The following TOR1AIP2 variants were observed in gnomAD, a reference collection of about 807,000 sequenced individuals.
TOR1AIP2 encodes torsin-1A-interacting protein 2.
Under a neutral mutation model 32.6 loss-of-function variants are expected in TOR1AIP2, and 20 were observed. The ratio of observed to expected loss-of-function variants is 0.61; its 90% CI spans 0.43 to 0.89. TOR1AIP2 has a LOEUF of 0.89. TOR1AIP2 is among the 40% of genes least tolerant of loss of function. The pLI, the probability that TOR1AIP2 is intolerant of heterozygous loss-of-function variation, is 0.00. For synonymous variants in TOR1AIP2, 214 were observed against 210.8 expected, an observed-to-expected ratio of 1.02 and a Z score of -0.13; for missense variants, 456 against 553.8, an observed-to-expected ratio of 0.82 and a Z score of 1.77.
At position 179,847,705 on chromosome 1, in the gene TOR1AIP2, T is replaced by G. The variant is rs531836572; in HGVS notation, c.554-69A>C. The G allele has an allele frequency of 2.6e-5, 27 of 1,048,318 alleles. No homozygotes were observed. In the African/African-American group the frequency reaches 4.1e-4, roughly 16 times the overall value. The allele number at this position is 1,048,318 out of a possible 1,614,324, so 64.9% of individuals were successfully genotyped here. Reference sequence around the variant, plus strand: ...ATGACAGTATGTATACCTTTATATCTCTCACCAAACCAAAGAATGATTTGA... The same window carrying G: ...ATGACAGTATGTATACCTTTATATCGCTCACCAAACCAAAGAATGATTTGA... On this transcript the variant is annotated intron_variant, in intron 5 of 6. Transcript: ENST00000609928.
At chr1:179,872,334 T>A (rs780552628) in intron 2 of TOR1AIP2, among the ~76,000 whole-genome samples, 1 of 152,238 alleles carries the variant, frequency 6.6e-6, no homozygotes, top group Non-Finnish European at 1.5e-5. Context: ...TTAAGGCTAA[T>A]ACACAACTTT....
intron 3 of TOR1AIP2, chr1:179,862,397 T>G (rs945748081): frequency 4.8e-5 from 47 of 984,438 alleles, no homozygotes; most frequent in Admixed American, 1.2e-4. Context: ...ATAGTGAAAT[T>G]CTTCATTAAA....
intron 4 of TOR1AIP2, 147 bp from the exon 5 acceptor site, chr1:179,851,510 T>C (rs1050604128): frequency 5.7e-5 from 32 of 561,502 alleles, no homozygotes; most frequent in South Asian, 4.9e-5. Flanking sequence ...TGGCTCCCAC[T>C]AAAGGCAATT....
chr1:179,869,212 G>A (rs2148454933), intron 2 of TOR1AIP2: 1 of 152,276 alleles, frequency 6.6e-6, no homozygotes, highest in East Asian at 1.9e-4. Context: ...CGAACCTCAG[G>A]TGATCCGCCC....
intron 5 of TOR1AIP2, 80 bp from the exon 6 acceptor site, chr1:179,847,716 C>G (rs1290711390): frequency 1.0e-6 from 1 of 979,574 alleles, no homozygotes; most frequent in Non-Finnish European, 1.6e-6. Flanking sequence ...CTCACCAAAC[C>G]AAAGAATGAT....
At chr1:179,859,230 G>C (rs953721248) in intron 3 of TOR1AIP2, 40 of 937,958 alleles carry the variant, frequency 4.3e-5, no homozygotes, top group Admixed American at 6.2e-5. Context: ...TTTGTGCCAG[G>C]CATCATTCAC....
intron 2 of TOR1AIP2, among the ~76,000 whole-genome samples, chr1:179,870,187 G>C (rs1488284914): frequency 6.6e-6 from 1 of 152,150 alleles, no homozygotes; most frequent in African/African-American, 2.4e-5. Context: ...ACGAGGTCAG[G>C]AGATGGAGAC....
rs147669918 is a variant in TOR1AIP2 at position 179,854,348 on chromosome 1, T to C, written c.-146-1537A>G. On this transcript the variant is annotated intron_variant, in intron 3 of 6. Transcript: ENST00000609928. Reference sequence around the variant, plus strand: ...AGATAAGTAAACAGAAAAAAAAATATCATGCATAGACAAATAAGACTCAAA... The same window carrying C: ...AGATAAGTAAACAGAAAAAAAAATACCATGCATAGACAAATAAGACTCAAA... 2.9e-3 allele frequency among the ~76,000 whole-genome samples: 439 copies of C among 152,142 alleles called. 2 individuals carry two copies. The highest frequency in any genetic ancestry group is 0.01 in the African/African-American group (428 of 41,514).
At chr1:179,852,513 C>T (rs1316365038) in intron 4 of TOR1AIP2, 119 bp downstream of exon 4, 1 of 959,288 alleles carries the variant, frequency 1.0e-6, no homozygotes, top group Admixed American at 1.9e-5. Context: ...AACAAATGAA[C>T]CCACTGAATT....
intron 2 of TOR1AIP2, chr1:179,875,701 G>C (rs969660284): frequency 6.7e-6 from 1 of 150,208 alleles, no homozygotes; most frequent in African/African-American, 2.5e-5. Context: ...GTTCATACCA[G>C]AGCCATGGCA....
intron 3 of TOR1AIP2, chr1:179,861,920 G>T (rs1477267543): frequency 2.1e-6 from 2 of 957,686 alleles, no homozygotes; most frequent in Non-Finnish European, 2.5e-6. Context: ...GGCTGGTCTT[G>T]AACTCCTGGG....
intron 6 of TOR1AIP2, 112 bp downstream of exon 6, chr1:179,847,423 G>A: frequency 1.3e-6 from 1 of 758,698 alleles, no homozygotes; most frequent in East Asian, 2.6e-5. Context: ...CATTAAATAA[G>A]TATATATAAA....
intron 4 of TOR1AIP2, among the ~76,000 whole-genome samples, chr1:179,851,637 G>GA (rs1696119867): frequency 6.6e-6 from 1 of 152,072 alleles, no homozygotes; most frequent in Admixed American, 6.6e-5. Context: ...CTTCCCTAAT[G>GA]AAAGGCAATG....
chr1:179,854,635 T>C (rs1372252055), intron 3 of TOR1AIP2, among the ~76,000 whole-genome samples: 6 of 152,150 alleles, frequency 3.9e-5, no homozygotes, highest in African/African-American at 7.2e-5. Flanking sequence ...TTTGGGAGGC[T>C]GAGGCGGGCA....
rs1477814442 is a variant in TOR1AIP2 at position 179,867,594 on chromosome 1, ACAAGATACTATTGTAGTGTCAG to A, written c.-565-1762_-565-1741del. The A allele has an allele frequency of 2.0e-5, 3 of 152,254 alleles. No individual in the cohort carries two copies. The East Asian group carries it at 5.8e-4, about 29-fold the overall frequency. The allele number at this position is 152,254 out of a possible 1,614,324, so 9.4% of individuals were successfully genotyped here. A position where few individuals can be genotyped will look rare whatever the true frequency, so the allele number is the denominator to read the frequency against. ...TTTAGAGTGAAATCAAGTAAATGCA[ACAAGATACTATTGTAGTGTCAG>A]CAAGATACTATTTCACATCTACCAC... On this transcript the variant is annotated intron_variant, in intron 2 of 6. Transcript: ENST00000609928.
At chr1:179,850,217 G>A (rs865950005) in intron 5 of TOR1AIP2, among the ~76,000 whole-genome samples, 4 of 151,986 alleles carry the variant, frequency 2.6e-5, no homozygotes, top group African/African-American at 9.7e-5. Flanking sequence ...TCCCAAGTCA[G>A]CAAGTGGTAG....
chr1:179,863,712 G>T, intron 3 of TOR1AIP2: 1 of 984,704 alleles, frequency 1.0e-6, no homozygotes, highest in Non-Finnish European at 1.2e-6. Context: ...GATCGCAAGG[G>T]GGAAGGACAC....
intron 2 of TOR1AIP2, among the ~76,000 whole-genome samples, chr1:179,876,931 G>A (rs1299168911): frequency 6.6e-6 from 1 of 151,584 alleles, no homozygotes; most frequent in East Asian, 1.9e-4. Context: ...TATATAATAT[G>A]TAAGCAAAAT....
intron 3 of TOR1AIP2, among the ~76,000 whole-genome samples, chr1:179,855,620 C>A (rs1696268603): frequency 6.6e-6 from 1 of 152,102 alleles, no homozygotes; most frequent in South Asian, 2.1e-4. Context: ...GTTACTACAA[C>A]TTTAGAGAGA....
Sources: allele counts gnomAD v4.1 joint callset (sites outside exome capture counted in the v4.1 genomes callset), GRCh38; gene constraint gnomAD v4.1.1; transcripts MANE v1.5; gene names NCBI Gene and HGNC (gene_info 2026-07-23, HGNC 2026-07-21).